The following PARD3 variants were observed in gnomAD, a reference collection of about 807,000 sequenced individuals.
PARD3 encodes the protein par-3 family cell polarity regulator, also known as partitioning defective 3 homolog.
In PARD3, 75 loss-of-function variants were observed where a neutral mutation model predicts 155.4. That is an observed-to-expected ratio of 0.48 (90% CI 0.40 to 0.58). The LOEUF is 0.58. PARD3 is among the 20% of genes least tolerant of loss of function. The pLI, the probability that PARD3 is intolerant of heterozygous loss-of-function variation, is 0.00. For missense variants in PARD3, 1,642 were observed against 1,721.7 expected, an observed-to-expected ratio of 0.95 and a Z score of 0.82; for synonymous variants, 576 against 610.5, an observed-to-expected ratio of 0.94 and a Z score of 0.83.
At chr10:34,131,315 G>T in intron 23 of PARD3, 148 bp downstream of exon 23, 1 of 745,068 alleles carries the variant, frequency 1.3e-6, no homozygotes, top group Non-Finnish European at 2.2e-6. Context: ...AACCCAGATG[G>T]AAATGAGGAA....
chr10:34,163,698 C>CT (rs1949389738), intron 22 of PARD3, among the ~76,000 whole-genome samples: 1 of 152,124 alleles, frequency 6.6e-6, no homozygotes, highest in Non-Finnish European at 1.5e-5. Flanking sequence ...ACAAATAGCC[C>CT]TGGGGATCTG....
Position 34,109,878 on chromosome 10 carries a change from C to A in PARD3, c.*1291G>T, listed in dbSNP as rs1334172401. On this transcript the variant is annotated 3_prime_UTR_variant, in exon 25 of 25. Transcript: ENST00000374788. ...GTTTTTAAAGTAAATACATGGTATG[C>A]TGAGCTTTCACCTCCAGCTTTTTCC... The A allele has an allele frequency of 1.3e-5, 2 of 151,780 alleles. No individual in the cohort carries two copies. The highest frequency in any genetic ancestry group is 2.9e-5 in the Non-Finnish European group (2 of 67,974). 9.4% of individuals were successfully genotyped at this position (151,780 alleles called of 1,614,324 possible).
chr10:34,730,139 C>A (rs1230033694), intron 1 of PARD3, among the ~76,000 whole-genome samples: 1 of 152,054 alleles, frequency 6.6e-6, no homozygotes, highest in African/African-American at 2.4e-5. Flanking sequence ...AACCTGATAC[C>A]AAAATCAGAC....
chr10:34,490,549 C>T (rs980334326), intron 3 of PARD3, among the ~76,000 whole-genome samples: 5 of 152,146 alleles, frequency 3.3e-5, no homozygotes, highest in Admixed American at 2.6e-4. Context: ...ATCTTTGCCT[C>T]CCGAAAGTGC....
chr10:34,656,893 G>A (rs1776944741), intron 2 of PARD3, among the ~76,000 whole-genome samples: 1 of 152,166 alleles, frequency 6.6e-6, no homozygotes, highest in Admixed American at 6.5e-5. Flanking sequence ...AATTGCAAAA[G>A]CATCAAGCTA....
chr10:34,193,147 T>C (rs1225437712), intron 22 of PARD3, among the ~76,000 whole-genome samples: 1 of 152,236 alleles, frequency 6.6e-6, no homozygotes, highest in East Asian at 1.9e-4. Flanking sequence ...TTTCTTTACA[T>C]GCTACCTTAA....
chr10:34,353,186 T>C (rs1838365051), intron 14 of PARD3, among the ~76,000 whole-genome samples: 1 of 152,054 alleles, frequency 6.6e-6, no homozygotes, highest in African/African-American at 2.4e-5. Context: ...GGGGGGCGCG[T>C]CTGCCTGGGC....
Position 34,331,218 on chromosome 10 carries a change from C to G in PARD3, c.2732G>C (p.Arg911Pro), listed in dbSNP as rs762740782. Residue 911 changes from arginine (R) to proline (P), a missense_variant, in exon 19 of 25, where the codon CGG becomes CCG. This residue lies in a region of PARD3 where 1,529 missense variants were observed against 1,587.3 expected (regional missense o/e 0.96). Transcript: ENST00000374788. ...ATTGCATCCCCTGCCTCTGATTATC[C>G]GCGGCCGTGGACGATGGAAAGGAAT... ...GDIPFHRPRPRIIRGRGCNES... is the reference protein window; with the variant it reads ...GDIPFHRPRPPIIRGRGCNES... 4.3e-6 allele frequency: 7 copies of G among 1,613,998 alleles called. No individual in the cohort carries two copies. The highest frequency in any genetic ancestry group is 5.9e-6 in the Non-Finnish European group (7 of 1,179,988).
At chr10:34,794,284 T>G (rs1240011892) in intron 1 of PARD3, among the ~76,000 whole-genome samples, 1 of 152,252 alleles carries the variant, frequency 6.6e-6, no homozygotes, top group African/African-American at 2.4e-5. Flanking sequence ...TTTAATCTAC[T>G]ACAGACATCC....
chr10:34,170,380 C>T (rs1165840254), intron 22 of PARD3, among the ~76,000 whole-genome samples: 1 of 152,194 alleles, frequency 6.6e-6, no homozygotes, highest in East Asian at 1.9e-4. Context: ...CCCACCATGC[C>T]TGGCCCTTAG....
In PARD3 at chr10:34,110,301, A is replaced by G. The variant is rs1052075120; in HGVS notation, c.*868T>C. The G allele has an allele frequency of 9.2e-5, 14 of 152,104 alleles. No homozygotes were observed. Among genetic ancestry groups the G allele is most frequent in the Admixed American group, 9.2e-4 (14 of 15,266 alleles). 9.4% of individuals were successfully genotyped at this position (152,104 alleles called of 1,614,324 possible). A position where few individuals can be genotyped will look rare whatever the true frequency, so the allele number is the denominator to read the frequency against. ...AGCTGTCAGAACAAAAACTAATTAA[A>G]ATAATTACTAGGATGTACTGGGCCA... On this transcript the variant is annotated 3_prime_UTR_variant, in exon 25 of 25. Transcript: ENST00000374788.
At chr10:34,642,070 A>C (rs2092695574) in intron 2 of PARD3, among the ~76,000 whole-genome samples, 1 of 151,862 alleles carries the variant, frequency 6.6e-6, no homozygotes, top group South Asian at 2.1e-4. Flanking sequence ...GGCAGTATCC[A>C]CTCACCTGGG....
chr10:34,428,637 C>T (rs11009783), intron 5 of PARD3, among the ~76,000 whole-genome samples: 8,141 of 152,208 alleles, frequency 0.053, 714 homozygotes, highest in African/African-American at 0.18. Context: ...AAGACGACAA[C>T]AGCTGTGTTT....
In PARD3 at chr10:34,131,333, A is replaced by G. The variant is rs981490610; in HGVS notation, c.3540+130T>C. The G allele has an allele frequency of 1.2e-5, 11 of 888,844 alleles. No homozygotes were observed. The African/African-American group carries it at 1.5e-4, about 12-fold the overall frequency. 55.1% of individuals were successfully genotyped at this position (888,844 alleles called of 1,614,324 possible). A position where few individuals can be genotyped will look rare whatever the true frequency, so the allele number is the denominator to read the frequency against. On this transcript the variant is annotated intron_variant, in intron 23 of 24. Transcript: ENST00000374788. ...CCAGATGGAAATGAGGAAAAGGTCA[A>G]TATGTTAAAGGTCAAAGGAATTTGG... is the stretch of plus-strand genomic sequence containing the variant.
intron 9 of PARD3, among the ~76,000 whole-genome samples, chr10:34,380,222 T>C: frequency 6.6e-6 from 1 of 152,132 alleles, no homozygotes; most frequent in East Asian, 1.9e-4. Flanking sequence ...ATATAAAATA[T>C]TTGTAAGTAT....
chr10:34,549,542 T>C (rs2133955485), intron 2 of PARD3, among the ~76,000 whole-genome samples: 1 of 152,270 alleles, frequency 6.6e-6, no homozygotes, highest in African/African-American at 2.4e-5. Flanking sequence ...CTGCACTTTG[T>C]CAAAAGTTAG....
intron 2 of PARD3, among the ~76,000 whole-genome samples, chr10:34,621,929 A>G (rs1564427144): frequency 6.6e-6 from 1 of 152,250 alleles, no homozygotes; most frequent in Non-Finnish European, 1.5e-5. Context: ...GTAACAGTCC[A>G]TGTAAGTTGA....
chr10:34,632,319 C>T (rs1348353359), intron 2 of PARD3, among the ~76,000 whole-genome samples: 3 of 152,216 alleles, frequency 2.0e-5, no homozygotes, highest in Non-Finnish European at 4.4e-5. Flanking sequence ...CCCTAGATCA[C>T]CCCCATCCCT....
At chr10:34,276,013 A>G (rs986170782) in intron 21 of PARD3, among the ~76,000 whole-genome samples, 1 of 152,138 alleles carries the variant, frequency 6.6e-6, no homozygotes, top group Non-Finnish European at 1.5e-5. Flanking sequence ...CTATTGCTTT[A>G]AACATTTCAG....
Sources: allele counts gnomAD v4.1 joint callset (sites outside exome capture counted in the v4.1 genomes callset), GRCh38; gene constraint gnomAD v4.1.1; regional missense constraint gnomAD v4.1.1; transcripts MANE v1.5; gene names NCBI Gene and HGNC (gene_info 2026-07-23, HGNC 2026-07-21).